The following ANKRD11 variants were observed in gnomAD, a reference collection of about 807,000 sequenced individuals.
ANKRD11 encodes the protein ankyrin repeat domain-containing protein 11.
Under a neutral mutation model 195.7 loss-of-function variants are expected in ANKRD11, and 17 were observed. The ratio of observed to expected loss-of-function variants is 0.09; its 90% CI spans 0.06 to 0.13. The LOEUF is 0.13. Ranked by LOEUF, ANKRD11 falls within the 10% of genes least tolerant of loss-of-function variation. The pLI, the probability that ANKRD11 is intolerant of heterozygous loss-of-function variation, is 1.00. For synonymous variants in ANKRD11, 1,953 were observed against 1,528.1 expected (o/e 1.28, Z -6.49); for missense variants, 3,735 against 3,566.1 (o/e 1.05, Z -1.21).
At chr16:89,297,460 A>T (rs979065702) in intron 4 of ANKRD11, 15 of 152,054 alleles carry the variant, frequency 9.9e-5, no homozygotes, top group African/African-American at 3.6e-4. Flanking sequence ...TTGACTAAAA[A>T]CCATGCTGTC....
At chr16:89,402,826 C>T (rs1396259438) in intron 2 of ANKRD11, among the ~76,000 whole-genome samples, 3 of 72,498 alleles carry the variant, frequency 4.1e-5, no homozygotes, top group African/African-American at 5.7e-5. Flanking sequence ...GTTGGGGGGG[C>T]GGCACTGCGG....
chr16:89,279,231 G>A lies in ANKRD11; in HGVS notation c.7311C>T (p.Pro2437=), dbSNP rs377547565. The change falls in exon 9 of 13, where the codon CCC becomes CCT. Residue 2437 remains proline, a synonymous_variant. Transcript: ENST00000301030. The surrounding 1 kb of genome is among the most constrained non-coding windows in gnomAD (Gnocchi z 5.6). ...IEPYHSDRAN[P]YFEYLQIRKK... ...TCCTGATCTGCAGGTATTCGAAGTA[G>A]GGGTTGGCCCTGTCGCTGTGGTAGG... The A allele has an allele frequency of 9.6e-5, 154 of 1,612,148 alleles. No individual in the cohort carries two copies. In the African/African-American group the frequency reaches 1.9e-3, roughly 20 times the overall value.
At chr16:89,428,250 G>A (rs982267656) in intron 1 of ANKRD11, among the ~76,000 whole-genome samples, 3 of 149,762 alleles carry the variant, frequency 2.0e-5, no homozygotes, top group Non-Finnish European at 4.4e-5. Context: ...CTTTGGCCGG[G>A]CACGGTGGTT....
chr16:89,380,892 G>A (rs529066521), intron 2 of ANKRD11, among the ~76,000 whole-genome samples: 7 of 152,364 alleles, frequency 4.6e-5, no homozygotes, highest in Admixed American at 3.9e-4. Context: ...CTCAGAGGTC[G>A]TGGGCAGAGG....
chr16:89,365,934 C>A (rs2039928466), intron 2 of ANKRD11, among the ~76,000 whole-genome samples: 1 of 152,018 alleles, frequency 6.6e-6, no homozygotes, highest in African/African-American at 2.4e-5. Context: ...TCATTTCGTT[C>A]CCATTCATAA....
At chr16:89,489,227 G>A (rs756067655) in intron 1 of ANKRD11, 690 of 23,906 alleles carry the variant, frequency 0.029, 1 homozygote, top group African/African-American at 0.058. Context: ...ACACACACAC[G>A]CGCGCGCGCG....
intron 1 of ANKRD11, among the ~76,000 whole-genome samples, chr16:89,432,947 T>TCA (rs1361250089): frequency 5.9e-5 from 1 of 16,970 alleles, no homozygotes; most frequent in Non-Finnish European, 1.5e-4. Context: ...AGACCCTATC[T>TCA]CTCTCTCTCT....
intron 2 of ANKRD11, among the ~76,000 whole-genome samples, chr16:89,346,278 C>G (rs1444119011): frequency 7.1e-6 from 1 of 140,898 alleles, no homozygotes; most frequent in African/African-American, 2.6e-5. Flanking sequence ...AAAGAATCAA[C>G]ACAACAGAGA....
At chr16:89,277,501 T>G (rs77437800) in intron 9 of ANKRD11, 4,013 of 152,400 alleles carry the variant, frequency 0.026, 161 homozygotes, top group African/African-American at 0.092. Context: ...ACTAGTGTTA[T>G]GATCCATTAA....
intron 1 of ANKRD11, among the ~76,000 whole-genome samples, chr16:89,448,949 A>G (rs1300050383): frequency 6.6e-6 from 1 of 152,100 alleles, no homozygotes; most frequent in Non-Finnish European, 1.5e-5. Context: ...CCATATCACC[A>G]TTGTATTTAG....
intron 4 of ANKRD11, among the ~76,000 whole-genome samples, chr16:89,296,753 G>A (rs934765170): frequency 6.6e-6 from 1 of 152,232 alleles, no homozygotes; most frequent in Non-Finnish European, 1.5e-5. Context: ...CCGGAAGGCC[G>A]GGATGAGGAA....
At chr16:89,431,596 T>C (rs1346384434) in intron 1 of ANKRD11, among the ~76,000 whole-genome samples, 2 of 152,198 alleles carry the variant, frequency 1.3e-5, no homozygotes, top group African/African-American at 2.4e-5. Flanking sequence ...CCGGTTTCTC[T>C]TGTGAACTTT....
intron 1 of ANKRD11, chr16:89,488,895 A>T (rs1202331114): frequency 6.6e-6 from 1 of 152,180 alleles, no homozygotes; most frequent in Non-Finnish European, 1.5e-5. Context: ...AGGATACAAA[A>T]CTACTCATAA....
chr16:89,351,085 G>C (rs2039193923), intron 2 of ANKRD11, among the ~76,000 whole-genome samples: 1 of 152,186 alleles, frequency 6.6e-6, no homozygotes, highest in Non-Finnish European at 1.5e-5. Flanking sequence ...GCATTCCAAA[G>C]TATTTAAACT....
chr16:89,443,493 G>A (rs899862880), intron 1 of ANKRD11: 1 of 152,048 alleles, frequency 6.6e-6, no homozygotes, highest in South Asian at 2.1e-4. Context: ...TAAGAGACAA[G>A]AGATACACAG....
Position 89,359,256 on chromosome 16 carries a change from T to C in ANKRD11, c.-59-42178A>G, listed in dbSNP as rs557165509. On this transcript the variant is annotated intron_variant, in intron 2 of 12. Transcript: ENST00000301030. ...GTGCCTCCAAAGAACAAATGCTAGATGCAAACTGCTTGAGTATGCTTCTTT... is the reference window on the plus strand; with the variant it reads ...GTGCCTCCAAAGAACAAATGCTAGACGCAAACTGCTTGAGTATGCTTCTTT... Among the ~76,000 whole-genome samples, 52 of 152,306 alleles carry C rather than the reference T, an allele frequency of 3.4e-4. 1 individual carries two copies. The highest frequency in any genetic ancestry group is 1.2e-3 in the African/African-American group (50 of 41,562).
intron 2 of ANKRD11, among the ~76,000 whole-genome samples, chr16:89,400,968 C>T (rs907620876): frequency 3.9e-5 from 6 of 152,198 alleles, no homozygotes; most frequent in African/African-American, 9.6e-5. Flanking sequence ...CCGTCTGCCC[C>T]GGGGCTGCCT....
chr16:89,280,200 C>T lies in ANKRD11; in HGVS notation c.6342G>A (p.Gln2114=), dbSNP rs2034070582. ...CGTCCGCCCAGGGCACCGGCTCCAC[C>T]TGGCCGAGGTGAGACAGGCCGCGGC... ...DGSRGLSHLG[Q]VEPVPWADAF... Residue 2114 remains glutamine (Q), a synonymous_variant, in exon 9 of 13, where the codon CAG becomes CAA. Coordinates refer to ENST00000301030, the MANE Select transcript of ANKRD11 (RefSeq NM_013275.6). The T allele has an allele frequency of 6.2e-7, 1 of 1,608,464 alleles. No homozygotes were observed. The highest frequency in any genetic ancestry group is 1.3e-5 in the African/African-American group (1 of 75,024).
intron 6 of ANKRD11, among the ~76,000 whole-genome samples, chr16:89,289,912 C>T (rs1043044193): frequency 1.3e-5 from 2 of 152,124 alleles, no homozygotes; most frequent in South Asian, 4.1e-4. Flanking sequence ...TGGTGGCGTG[C>T]GCCTGCACCC....
Sources: allele counts gnomAD v4.1 joint callset (sites outside exome capture counted in the v4.1 genomes callset), GRCh38; gene constraint gnomAD v4.1.1; non-coding constraint Gnocchi (gnomAD v3.1); transcripts MANE v1.5; gene names NCBI Gene and HGNC (gene_info 2026-07-23, HGNC 2026-07-21).